The following ADGRL2 variants were observed in gnomAD, a reference collection of about 807,000 sequenced individuals.
The protein encoded by ADGRL2 is adhesion G protein-coupled receptor L2.
A neutral mutation model predicts 157.4 loss-of-function variants in ADGRL2; 44 were observed. The observed-to-expected ratio is 0.28, with a 90% confidence interval of 0.22 to 0.36. The LOEUF (loss-of-function observed/expected upper bound fraction) is 0.36, where lower values mean the gene tolerates loss of function less well. Ranked by LOEUF, ADGRL2 falls within the 10% of genes least tolerant of loss-of-function variation. ADGRL2 has a pLI of 1.00. For synonymous variants in ADGRL2, 585 were observed against 624.7 expected, an observed-to-expected ratio of 0.94 and a Z score of 0.95; for missense variants, 1,510 against 1,768.9, an observed-to-expected ratio of 0.85 and a Z score of 2.63.
chr1:81,903,987 AT>A (rs1187532723), intron 2 of ADGRL2, among the ~76,000 whole-genome samples: 2 of 151,714 alleles, frequency 1.3e-5, no homozygotes, highest in African/African-American at 4.8e-5. Context: ...ATGGCATATA[AT>A]TTTCATTGAT....
chr1:81,678,651 C>A (rs560672630), intron 3 of ADGRL2, among the ~76,000 whole-genome samples: 1 of 152,184 alleles, frequency 6.6e-6, no homozygotes, highest in Admixed American at 6.5e-5. Context: ...AGCAAAGTGG[C>A]CTTTATGTAT....
At chr1:81,870,780 A>G (rs1198600131) in intron 2 of ADGRL2, among the ~76,000 whole-genome samples, 1 of 151,636 alleles carries the variant, frequency 6.6e-6, no homozygotes, top group Non-Finnish European at 1.5e-5. Flanking sequence ...AAACATATTT[A>G]TTTTTCATGG....
At chr1:81,601,358 T>C (rs188783586) in intron 3 of ADGRL2, among the ~76,000 whole-genome samples, 37 of 152,294 alleles carry the variant, frequency 2.4e-4, no homozygotes, top group Admixed American at 1.1e-3. Flanking sequence ...TAATGCACAA[T>C]TGTATGCTGA....
rs2077776838 is a variant in ADGRL2 at position 81,455,106 on chromosome 1, C to A, written c.-248+10017C>A. On this transcript the variant is annotated intron_variant, in intron 2 of 24. Transcript: ENST00000370721. ...ACTAGAAACCTAACCAAGAGAGAAGCAAGTACTTTCTGTAATGCTCAAGAG... is the reference window on the plus strand; with the variant it reads ...ACTAGAAACCTAACCAAGAGAGAAGAAAGTACTTTCTGTAATGCTCAAGAG... Among the ~76,000 whole-genome samples, 3 of 152,290 alleles carry A rather than the reference C, an allele frequency of 2.0e-5. 1 individual carries two copies. The highest frequency in any genetic ancestry group is 6.8e-3 in the Middle Eastern group (2 of 294).
At chr1:81,596,274 T>C in intron 3 of ADGRL2, 1 of 572,534 alleles carries the variant, frequency 1.7e-6, no homozygotes, top group South Asian at 1.4e-5. Flanking sequence ...CCCGAAATGA[T>C]CCCATGTCTT....
intron 1 of ADGRL2, among the ~76,000 whole-genome samples, chr1:81,322,727 G>A (rs1233016028): frequency 2.0e-5 from 3 of 152,086 alleles, no homozygotes; most frequent in Admixed American, 6.5e-5. Context: ...GGGCCAAGCT[G>A]AAGAAAGTTT....
rs935344896 is a variant in ADGRL2, at chr1:81,312,948, C to T, written c.-302+6439C>T. Among the ~76,000 whole-genome samples the T allele has an allele frequency of 3.9e-5, 6 of 152,122 alleles. 1 individual carries two copies. The highest frequency in any genetic ancestry group is 1.2e-4 in the African/African-American group (5 of 41,402). On this transcript the variant is annotated intron_variant, in intron 1 of 24. Transcript: ENST00000370721. ...CAGACCTAAGTTGGAATACAATATA[C>T]GGAGAGTATTATTGAATCTCTCTGA...
At chr1:81,774,370 T>A (rs960119830) in intron 2 of ADGRL2, among the ~76,000 whole-genome samples, 1 of 152,218 alleles carries the variant, frequency 6.6e-6, no homozygotes, top group African/African-American at 2.4e-5. Context: ...GGCAAACACA[T>A]TAGATTGTGA....
intron 1 of ADGRL2, among the ~76,000 whole-genome samples, chr1:81,410,724 C>G (rs892392305): frequency 6.6e-6 from 1 of 152,140 alleles, no homozygotes; most frequent in Non-Finnish European, 1.5e-5. Flanking sequence ...TTATTTAAAG[C>G]CAATCTGTAC....
At chr1:81,493,849 T>G (rs9324177) in intron 2 of ADGRL2, among the ~76,000 whole-genome samples, 22,224 of 152,092 alleles carry the variant, frequency 0.15, 3,020 homozygotes, top group African/African-American at 0.36. Flanking sequence ...ATACACTTAT[T>G]CAAAAATCCT....
intron 3 of ADGRL2, among the ~76,000 whole-genome samples, chr1:81,630,380 A>G (rs760302666): frequency 6.6e-5 from 10 of 152,280 alleles, no homozygotes; most frequent in Non-Finnish European, 1.2e-4. Flanking sequence ...ATCATCGAAT[A>G]CTTTTTGAGC....
chr1:81,635,832 C>A (rs1053523998), intron 3 of ADGRL2, among the ~76,000 whole-genome samples: 26 of 152,184 alleles, frequency 1.7e-4, no homozygotes, highest in African/African-American at 6.3e-4. Context: ...AGCTCCCTGT[C>A]CCTTTGGTTC....
intron 1 of ADGRL2, among the ~76,000 whole-genome samples, chr1:81,364,578 G>A (rs576293156): frequency 1.7e-4 from 26 of 152,158 alleles, no homozygotes; most frequent in African/African-American, 5.5e-4. Flanking sequence ...AAAAGAGGGA[G>A]GAAGTAAATT....
intron 2 of ADGRL2, among the ~76,000 whole-genome samples, chr1:81,561,896 T>C (rs1447015289): frequency 6.6e-6 from 1 of 152,228 alleles, no homozygotes; most frequent in Non-Finnish European, 1.5e-5. Context: ...AGAGCAAGAT[T>C]CTGCTTTGTT....
intron 1 of ADGRL2, among the ~76,000 whole-genome samples, chr1:81,802,206 C>T (rs1244745578): frequency 7.9e-5 from 12 of 152,018 alleles, no homozygotes; most frequent in African/African-American, 2.7e-4. Context: ...ACGGCCCTCC[C>T]TCGGGGCGCG....
chr1:81,694,750 A>G (rs1047026361), intron 3 of ADGRL2, among the ~76,000 whole-genome samples: 3 of 152,116 alleles, frequency 2.0e-5, no homozygotes, highest in African/African-American at 7.2e-5. Context: ...TTCCCATTGT[A>G]ATGAATTACT....
intron 2 of ADGRL2, among the ~76,000 whole-genome samples, chr1:81,535,829 G>A (rs2079723031): frequency 1.3e-5 from 2 of 152,136 alleles, no homozygotes; most frequent in African/African-American, 4.8e-5. Context: ...TGCAAAGTAG[G>A]TTTGAAATCT....
intron 1 of ADGRL2, among the ~76,000 whole-genome samples, chr1:81,832,108 C>T (rs992055617): frequency 6.6e-6 from 1 of 152,050 alleles, no homozygotes; most frequent in African/African-American, 2.4e-5. Flanking sequence ...AATGGCAGTC[C>T]TCTCCAATTT....
chr1:81,413,695 T>C (rs192642497), intron 1 of ADGRL2, among the ~76,000 whole-genome samples: 112 of 152,358 alleles, frequency 7.4e-4, no homozygotes, highest in Middle Eastern at 6.8e-3. Context: ...AGTAGTTCAC[T>C]GATTTTTGTC....
Sources: allele counts gnomAD v4.1 joint callset (sites outside exome capture counted in the v4.1 genomes callset), GRCh38; gene constraint gnomAD v4.1.1; transcripts MANE v1.5; gene names NCBI Gene and HGNC (gene_info 2026-07-23, HGNC 2026-07-21).